The following DHX34 variants were observed in gnomAD, a reference collection of about 807,000 sequenced individuals.
The protein encoded by DHX34 is DExH-box helicase 34, also known as probable ATP-dependent RNA helicase DHX34.
In DHX34, 96 loss-of-function variants were observed where a neutral mutation model predicts 111.1. That is an observed-to-expected ratio of 0.86 (90% CI 0.73 to 1.02). The LOEUF (loss-of-function observed/expected upper bound fraction) is 1.02. Ranked by LOEUF, DHX34 falls within the 50% of genes least tolerant of loss-of-function variation. The pLI is 0.00. For missense variants in DHX34, 1,560 were observed against 1,579.9 expected, an observed-to-expected ratio of 0.99 and a Z score of 0.21; for synonymous variants, 688 against 670.4, an observed-to-expected ratio of 1.03 and a Z score of -0.41.
Position 47,375,675 on chromosome 19 carries a change from C to A in DHX34, c.2274C>A (p.Ala758=), listed in dbSNP as rs781597628. The change falls in exon 10 of 17, where the codon GCC becomes GCA. Residue 758 remains alanine (A), a synonymous_variant. Transcript: ENST00000328771. Reference sequence around the variant, plus strand: ...GTGACGAGGACAGGGCTGGCCCAGCCCCCCCAGGGGCCAGTGATGGCGTGG... The same window carrying A: ...GTGACGAGGACAGGGCTGGCCCAGCACCCCCAGGGGCCAGTGATGGCGTGG... ...GSSDEDRAGP[A]PPGASDGVDI... The A allele has an allele frequency of 2.6e-6, 4 of 1,558,000 alleles. No homozygotes were observed. The South Asian group carries it at 3.5e-5, about 14-fold the overall frequency.
In DHX34 at chr19:47,382,177, C is replaced by T; in HGVS notation, c.*64C>T. Reference sequence around the variant, plus strand: ...CTGCCCTCCAGCCCAGGACTAGGGGCAGGACTCTTGCCTGAACCCCCAGCC... The same window carrying T: ...CTGCCCTCCAGCCCAGGACTAGGGGTAGGACTCTTGCCTGAACCCCCAGCC... On this transcript the variant is annotated 3_prime_UTR_variant, in exon 17 of 17. Coordinates refer to ENST00000328771, the MANE Select transcript of DHX34 (RefSeq NM_014681.6). 6.3e-7 allele frequency: 1 copy of T among 1,589,528 alleles called. No individual in the cohort carries two copies. The highest frequency in any genetic ancestry group is 8.6e-7 in the Non-Finnish European group (1 of 1,168,018).
In DHX34 at chr19:47,372,521, G is replaced by A. The variant is rs865944532; in HGVS notation, c.1769-209G>A. On this transcript the variant is annotated intron_variant, in intron 7 of 16. Coordinates refer to ENST00000328771, the MANE Select transcript of DHX34 (RefSeq NM_014681.6). ...GACTGGCCATCTCCAATCTACAAAT[G>A]GGGAAACTGAGGCCCTTGCCCATGG... 28 of 834,306 alleles carry A rather than the reference G, an allele frequency of 3.4e-5. 1 individual carries two copies. The South Asian group carries it at 1.3e-3, about 39-fold the overall frequency. 51.7% of individuals were successfully genotyped at this position (834,306 alleles called of 1,614,324 possible).
At chr19:47,369,209 C>T (rs1969894176) in intron 7 of DHX34, among the ~76,000 whole-genome samples, 1 of 152,142 alleles carries the variant, frequency 6.6e-6, no homozygotes, top group East Asian at 1.9e-4. Context: ...GAAGGAGTTT[C>T]ACCATGTTGG....
chr19:47,366,424 G>T (rs1028687273), intron 6 of DHX34, among the ~76,000 whole-genome samples: 11 of 149,930 alleles, frequency 7.3e-5, no homozygotes, highest in African/African-American at 2.7e-4. Flanking sequence ...GAGATTACAG[G>T]CACTCGCCAC....
At chr19:47,374,133 G>A (rs1030289011) in intron 9 of DHX34, among the ~76,000 whole-genome samples, 4 of 152,118 alleles carry the variant, frequency 2.6e-5, no homozygotes, top group African/African-American at 9.7e-5. Flanking sequence ...TCGATAAAAA[G>A]AGAGGATAAA....
At chr19:47,356,955 T>C (rs550285713) in intron 3 of DHX34, among the ~76,000 whole-genome samples, 2 of 152,274 alleles carry the variant, frequency 1.3e-5, no homozygotes, top group African/African-American at 4.8e-5. Context: ...AGAATGAGGC[T>C]GCTTCCTGAG....
At chr19:47,362,259 C>T in intron 5 of DHX34, 2 of 752,658 alleles carry the variant, frequency 2.7e-6, no homozygotes, top group Non-Finnish European at 3.2e-6. Context: ...GACAGTGAGA[C>T]CCTGTCTCAA....
chr19:47,356,562 G>A (rs749898742), intron 3 of DHX34, among the ~76,000 whole-genome samples: 3 of 151,534 alleles, frequency 2.0e-5, no homozygotes, highest in Non-Finnish European at 4.4e-5. Flanking sequence ...CCCGGAGGTC[G>A]AGGTTGCAGT....
At position 47,382,128 on chromosome 19, in the gene DHX34, C is replaced by T. The variant is rs763843626; in HGVS notation, c.*15C>T. 1.2e-6 allele frequency: 2 copies of T among 1,613,272 alleles called. No individual in the cohort carries two copies. Among genetic ancestry groups the T allele is most frequent in the African/African-American group, 1.3e-5 (1 of 74,936 alleles). ...AGCACGTGTGAGCTGGGCCAGGAGC[C>T]CTGCCCACCTCCGTGCAGCTGACCT... On this transcript the variant is annotated 3_prime_UTR_variant, in exon 17 of 17. Coordinates refer to ENST00000328771, the MANE Select transcript of DHX34 (RefSeq NM_014681.6).
rs1969673530 is a variant in DHX34 at position 47,362,695 on chromosome 19, TG to T, written c.1593+3del. The stretch of plus-strand genomic sequence containing the variant: ...GCCCTGGACTCGTTGGTGCTGCAGG[TG>T]AGGCATGGGCAGAAAGGGGACTATA... On this transcript the variant is annotated splice_donor_region_variant and intron_variant, in intron 6 of 16. Coordinates refer to ENST00000328771, the MANE Select transcript of DHX34 (RefSeq NM_014681.6). The T allele has an allele frequency of 2.5e-6, 4 of 1,610,102 alleles. No individual in the cohort carries two copies. The East Asian group carries it at 8.9e-5, about 36-fold the overall frequency.
chr19:47,373,780 T>C, intron 9 of DHX34, 80 bp downstream of exon 9: 1 of 1,516,602 alleles, frequency 6.6e-7, no homozygotes, highest in South Asian at 1.2e-5. Flanking sequence ...TGCTTCCCCT[T>C]CCCAGACAGT....
At chr19:47,355,415 A>G in intron 3 of DHX34, 65 bp downstream of exon 3, 1 of 1,566,468 alleles carries the variant, frequency 6.4e-7, no homozygotes, top group Non-Finnish European at 8.7e-7. Flanking sequence ...AAACCTGGAC[A>G]TGCCTCTTCT....
At chr19:47,374,671 G>T (rs755327) in intron 9 of DHX34, among the ~76,000 whole-genome samples, 56,565 of 151,870 alleles carry the variant, frequency 0.37, 14,829 homozygotes, top group African/African-American at 0.73. Context: ...CGACACCTCC[G>T]GTACCATTTC....
At chr19:47,352,249 G>T (rs1396978684) in intron 1 of DHX34, among the ~76,000 whole-genome samples, 1 of 152,194 alleles carries the variant, frequency 6.6e-6, no homozygotes, top group Non-Finnish European at 1.5e-5. Flanking sequence ...CCCATCACTG[G>T]ATTGTCACAG....
intron 13 of DHX34, among the ~76,000 whole-genome samples, chr19:47,379,146 A>T (rs1599778251): frequency 9.4e-6 from 1 of 106,352 alleles, no homozygotes; most frequent in South Asian, 3.0e-4. Flanking sequence ...AAATAAATTA[A>T]TAATAATAAT....
intron 4 of DHX34, 171 bp from the exon 5 acceptor site, chr19:47,359,797 C>A (rs900015833): frequency 2.2e-5 from 21 of 971,040 alleles, no homozygotes; most frequent in Non-Finnish European, 2.6e-5. Flanking sequence ...GGGGGAGGGC[C>A]CAGGATGGCC....
Position 47,372,922 on chromosome 19 carries a change from AGGTG to A in DHX34, c.1962_1962+3del. Reference sequence around the variant, plus strand: ...TTCAACGTCTTCAACGCCTGGGTGCAGGTGAGGCTGGTGGTGGGGGCCCTCTGTC... The same window carrying A: ...TTCAACGTCTTCAACGCCTGGGTGCAAGGCTGGTGGTGGGGGCCCTCTGTC... On this transcript the variant is annotated splice_donor_variant and splice_donor_region_variant and coding_sequence_variant and intron_variant, in exon 8 of 17. Coordinates refer to ENST00000328771, the MANE Select transcript of DHX34 (RefSeq NM_014681.6). LOFTEE classifies it high-confidence loss of function. 1 of 1,592,342 alleles carries A rather than the reference AGGTG, an allele frequency of 6.3e-7. No homozygotes were observed. The highest frequency in any genetic ancestry group is 2.2e-5 in the East Asian group (1 of 44,568).
chr19:47,367,886 A>C (rs1372896058), intron 7 of DHX34, among the ~76,000 whole-genome samples: 8 of 128,934 alleles, frequency 6.2e-5, no homozygotes, highest in East Asian at 4.3e-4. Flanking sequence ...ACAGAGCGAG[A>C]CTCCATCTCA....
At chr19:47,379,190 C>G (rs1411888902) in intron 13 of DHX34, among the ~76,000 whole-genome samples, 1 of 152,038 alleles carries the variant, frequency 6.6e-6, no homozygotes, top group Non-Finnish European at 1.5e-5. Flanking sequence ...ACTTCACATT[C>G]ACATAAGCAG....
Sources: gnomAD v4.1 joint callset for allele counts (sites outside exome capture counted in the v4.1 genomes callset) on GRCh38, gnomAD v4.1.1 for gene constraint, MANE v1.5 for transcripts, NCBI Gene and HGNC (gene_info 2026-07-23, HGNC 2026-07-21) for gene names.